The following PHKA1 variants were observed in gnomAD, a reference collection of about 807,000 sequenced individuals.
PHKA1 encodes phosphorylase kinase regulatory subunit alpha 1.
PHKA1 carries 60 observed loss-of-function variants against 110.2 expected under a neutral mutation model. The ratio of observed to expected loss-of-function variants is 0.54; its 90% CI spans 0.44 to 0.68. The LOEUF is 0.68. Among genes scored for constraint, PHKA1 ranks in the 30% least tolerant of loss-of-function variants. The probability of loss-of-function intolerance (pLI) is 0.00; values close to 1 mark genes in which losing one functional copy is unlikely to be tolerated. For missense variants in PHKA1, 801 were observed against 942.5 expected (o/e 0.85, Z 1.97); for synonymous variants, 316 against 333.6 (o/e 0.95, Z 0.58).
chrX:72,603,473 A>G (rs1232047559), intron 25 of PHKA1, among the ~76,000 whole-genome samples: 7 of 111,827 alleles, frequency 6.3e-5, no homozygotes, highest in African/African-American at 2.3e-4. Flanking sequence ...CTTCCAGACC[A>G]TTAGGGTACT....
intron 8 of PHKA1, among the ~76,000 whole-genome samples, chrX:72,658,117 C>T (rs1159073406): frequency 8.9e-6 from 1 of 111,935 alleles, no homozygotes; most frequent in Non-Finnish European, 1.9e-5. Context: ...ACCACCATTC[C>T]GTTATAGTCA....
At chrX:72,600,219 T>C (rs2052641532) in intron 28 of PHKA1, among the ~76,000 whole-genome samples, 1 of 110,842 alleles carries the variant, frequency 9.0e-6, no homozygotes, top group Admixed American at 9.7e-5. Flanking sequence ...TCCTCTAAAT[T>C]ATAGTCCTAG....
intron 6 of PHKA1, among the ~76,000 whole-genome samples, chrX:72,669,251 A>G (rs1556307708): frequency 9.1e-6 from 1 of 109,345 alleles, no homozygotes; most frequent in African/African-American, 3.3e-5. Context: ...GGAAGCTGCA[A>G]CCCCATGTTT....
intron 4 of PHKA1, among the ~76,000 whole-genome samples, chrX:72,691,098 A>G (rs1556321561): frequency 8.8e-6 from 1 of 112,997 alleles, no homozygotes; most frequent in African/African-American, 3.2e-5. Flanking sequence ...GGTGTGAGGA[A>G]GAAGTCCAAT....
intron 29 of PHKA1, among the ~76,000 whole-genome samples, chrX:72,584,844 T>C (rs1469097997): frequency 9.3e-6 from 1 of 107,741 alleles, no homozygotes; most frequent in Admixed American, 9.9e-5. Context: ...GTGGGTGTGC[T>C]GTACCCGTTA....
rs188110847 is a variant in PHKA1, at chrX:72,616,525, A to G, written c.2369+2185T>C. 3.4e-3 allele frequency among the ~76,000 whole-genome samples: 376 copies of G among 112,068 alleles called. 1 individual carries two copies. Among genetic ancestry groups the G allele is most frequent in the Non-Finnish European group, 5.2e-3 (275 of 53,215 alleles). The stretch of plus-strand genomic sequence containing the variant: ...ATAAAGCAAATATTAACATACCTAA[A>G]GGAAGAGATAGACTACAATACAATA... On this transcript the variant is annotated intron_variant, in intron 21 of 31. Coordinates refer to ENST00000373542, the MANE Select transcript of PHKA1 (RefSeq NM_002637.4).
chrX:72,676,112 T>G lies in PHKA1; in HGVS notation c.576A>C (p.Gln192His), dbSNP rs781920402. 2.5e-6 allele frequency: 3 copies of G among 1,207,564 alleles called. No homozygotes were observed. The African/African-American group carries it at 5.3e-5, about 21-fold the overall frequency. The change falls in exon 6 of 32, where the codon CAA (glutamine) becomes CAC (histidine). Residue 192 changes from glutamine (Q) to histidine (H), a missense_variant. Physicochemically the swap from Gln to His is conservative, Grantham distance 24. This residue lies in a region of PHKA1 where 299 missense variants were observed against 423.3 expected (regional missense o/e 0.71). Transcript: ENST00000373542. ...AACTGGCATTCAACTCTGAGATCCC[T>G]TGGTTGGTCTTGTCTCCACGTTCCC... ...GIWERGDKTNQGISELNASSV... is the reference protein window; with the variant it reads ...GIWERGDKTNHGISELNASSV...
chrX:72,701,214 T>A (rs2054200800), intron 3 of PHKA1, among the ~76,000 whole-genome samples: 1 of 112,123 alleles, frequency 8.9e-6, no homozygotes, highest in Admixed American at 9.4e-5. Context: ...AAACTTGACT[T>A]GTGAAGCCAA....
chrX:72,613,200 T>C (rs1279098745), intron 21 of PHKA1, among the ~76,000 whole-genome samples: 1 of 111,872 alleles, frequency 8.9e-6, no homozygotes, highest in East Asian at 2.8e-4. Flanking sequence ...GAGTGATTTG[T>C]TATGAAGCAA....
intron 4 of PHKA1, among the ~76,000 whole-genome samples, chrX:72,688,286 C>T (rs1280156288): frequency 8.9e-6 from 1 of 112,050 alleles, no homozygotes. Context: ...GCTGCAGAAG[C>T]AAAGTGGCAA....
chrX:72,666,339 C>A, intron 7 of PHKA1, 42 bp from the exon 8 acceptor site: 1 of 1,103,239 alleles, frequency 9.1e-7, no homozygotes, highest in Non-Finnish European at 1.3e-6. Flanking sequence ...GGATGTATTT[C>A]TTCTCCCTTT....
chrX:72,668,021 G>T (rs2147782100), intron 6 of PHKA1, among the ~76,000 whole-genome samples: 1 of 111,481 alleles, frequency 9.0e-6, no homozygotes, highest in South Asian at 3.7e-4. Flanking sequence ...ATAATATAGT[G>T]TAAGTATTTT....
At chrX:72,680,893 C>T (rs1356113454) in intron 5 of PHKA1, among the ~76,000 whole-genome samples, 1 of 67,477 alleles carries the variant, frequency 1.5e-5, no homozygotes, top group Non-Finnish European at 2.6e-5. Context: ...AAGGAGCAGC[C>T]GCCTGCCTTG....
intron 7 of PHKA1, among the ~76,000 whole-genome samples, chrX:72,666,798 T>C (rs2053620428): frequency 8.9e-6 from 1 of 112,226 alleles, no homozygotes; most frequent in African/African-American, 3.2e-5. Context: ...ATTTTGTGTT[T>C]TTAAAATTGG....
chrX:72,603,926 C>A (rs782259996), intron 25 of PHKA1, among the ~76,000 whole-genome samples: 5 of 110,657 alleles, frequency 4.5e-5, no homozygotes, highest in Non-Finnish European at 7.6e-5. Flanking sequence ...CTGGAACTGA[C>A]AAAATTAGTG....
In PHKA1 at chrX:72,657,618, A is replaced by G; in HGVS notation, c.888T>C (p.Phe296=). ...KLQGRYGCCR[F]LRDGYKTPKE... ...TAGGAGTTTTATATCCATCTCGTAG[A>G]AAGCGACAGCAACCATAACGACCCT... The change falls in exon 9 of 32, where the codon TTT becomes TTC. Residue 296 remains phenylalanine (F), a synonymous_variant. Transcript: ENST00000373542. The G allele has an allele frequency of 8.3e-7, 1 of 1,209,803 alleles. No individual in the cohort carries two copies. Among genetic ancestry groups the G allele is most frequent in the Non-Finnish European group, 1.1e-6 (1 of 893,782 alleles).
At chrX:72,606,850 AC>A (rs1422326144) in intron 23 of PHKA1, among the ~76,000 whole-genome samples, 1 of 110,308 alleles carries the variant, frequency 9.1e-6, no homozygotes, top group Non-Finnish European at 1.9e-5. Flanking sequence ...AACCATCTCC[AC>A]CCCCAACGCC....
intron 29 of PHKA1, among the ~76,000 whole-genome samples, chrX:72,587,888 C>T (rs2052457897): frequency 8.9e-6 from 1 of 112,041 alleles, no homozygotes; most frequent in Non-Finnish European, 1.9e-5. Context: ...AGCTAACTAT[C>T]CTAATATATA....
intron 3 of PHKA1, among the ~76,000 whole-genome samples, chrX:72,704,415 C>T (rs1461159551): frequency 2.7e-5 from 3 of 111,070 alleles, no homozygotes; most frequent in African/African-American, 3.3e-5. Flanking sequence ...GTTCTAGACC[C>T]GCAGAAGGCA....
Sources: allele counts gnomAD v4.1 joint callset (sites outside exome capture counted in the v4.1 genomes callset), GRCh38; gene constraint gnomAD v4.1.1; regional missense constraint gnomAD v4.1.1; transcripts MANE v1.5; gene names NCBI Gene and HGNC (gene_info 2026-07-23, HGNC 2026-07-21).